Variants in CCDC88B observed in about 807,000 individuals in gnomAD.
The protein encoded by CCDC88B is coiled-coil and HOOK domain protein 88B.
A neutral mutation model predicts 183.7 loss-of-function variants in CCDC88B; 138 were observed. The observed-to-expected ratio is 0.75, with a 90% CI of 0.65 to 0.87. The LOEUF (loss-of-function observed/expected upper bound fraction) is 0.87, where lower values mean the gene tolerates loss of function less well. CCDC88B is among the 40% of genes least tolerant of loss of function. The pLI, the probability that CCDC88B is intolerant of heterozygous loss-of-function variation, is 0.00. For missense variants in CCDC88B, 1,822 were observed against 1,965.6 expected (o/e 0.93, Z 1.38); for synonymous variants, 835 against 867.5 (o/e 0.96, Z 0.66).
At chr11:64,355,965 C>A in intron 26 of CCDC88B, 1 of 191,522 alleles carries the variant, frequency 5.2e-6, no homozygotes. Flanking sequence ...ACGCTATTAC[C>A]ATTTCAGCAT....
rs759234720 is a variant in CCDC88B at position 64,353,506 on chromosome 11, C to A, written c.3833+10C>A. On this transcript the variant is annotated intron_variant, in intron 22 of 26. Transcript: ENST00000356786. ...AACAGCGGGAGTACCTGTGAGTGGGCCGCCTGGGAGCGGGGTGGGGCCTGC... is the reference window on the plus strand; with the variant it reads ...AACAGCGGGAGTACCTGTGAGTGGGACGCCTGGGAGCGGGGTGGGGCCTGC... 6.2e-7 allele frequency: 1 copy of A among 1,608,792 alleles called. No homozygotes were observed. Among genetic ancestry groups the A allele is most frequent in the Non-Finnish European group, 8.5e-7 (1 of 1,178,648 alleles).
In CCDC88B at chr11:64,357,120, G is replaced by A. The variant is rs755220222; in HGVS notation, c.*26G>A. On this transcript the variant is annotated 3_prime_UTR_variant, in exon 27 of 27. Transcript: ENST00000356786. ...CACCGTGGGAACAGCAGGCTTGGGA[G>A]TGCAGCCTTCTCGGCACTGGAGTGT... 3.7e-6 allele frequency: 6 copies of A among 1,613,684 alleles called. No individual in the cohort carries two copies. Among genetic ancestry groups the A allele is most frequent in the Non-Finnish European group, 5.1e-6 (6 of 1,179,760 alleles).
chr11:64,355,775 T>C (rs2036529968), intron 26 of CCDC88B, 147 bp downstream of exon 26: 3 of 661,626 alleles, frequency 4.5e-6, no homozygotes, highest in Non-Finnish European at 5.0e-6. Flanking sequence ...GGGAACGTTC[T>C]GGTGTGAGGA....
rs752956217 is a variant in CCDC88B at position 64,343,185 on chromosome 11, C to A, written c.1069C>A (p.Arg357=). 38 of 1,530,938 alleles carry A rather than the reference C, an allele frequency of 2.5e-5. No individual in the cohort carries two copies. The highest frequency in any genetic ancestry group is 3.1e-5 in the Non-Finnish European group (35 of 1,137,318). The allele number at this position is 1,530,938 out of a possible 1,614,324, so 94.8% of individuals were successfully genotyped here. A position where few individuals can be genotyped will look rare whatever the true frequency, so the allele number is the denominator to read the frequency against. The change falls in exon 11 of 27, where the codon CGG becomes AGG. Residue 357 remains arginine (R), a synonymous_variant. Transcript: ENST00000356786. ...EAYKSQLEEE[R]VLSGVLEASK... is the part of the protein sequence containing the mutation. Reference sequence around the variant, plus strand: ...CTCCCTGCTCTCCCACCAGGAGGAGCGGGTGCTCTCGGGGGTGCTGGAGGC... The same window carrying A: ...CTCCCTGCTCTCCCACCAGGAGGAGAGGGTGCTCTCGGGGGTGCTGGAGGC...
intron 7 of CCDC88B, 109 bp downstream of exon 7, chr11:64,341,851 TCTGAGGTC>T (rs2135303719): frequency 1.3e-6 from 1 of 741,804 alleles, no homozygotes; most frequent in Non-Finnish European, 1.8e-6. Flanking sequence ...GGGGTTGTGG[TCTGAGGTC>T]TTGGGCCATC....
chr11:64,352,745 C>T lies in CCDC88B; in HGVS notation c.3358C>T (p.His1120Tyr). Residue 1120 changes from histidine (H) to tyrosine (Y), a missense_variant and splice_region_variant, in exon 20 of 27, where the codon CAC becomes TAC. Transcript: ENST00000356786. ...ELAHRELQGR[H>Y]EQLQAQRASV... ...CTCTTAGCCCCTTGTCCATCCCAGGCACGAGCAGCTGCAGGCCCAGCGGGC... is the reference window on the plus strand; with the variant it reads ...CTCTTAGCCCCTTGTCCATCCCAGGTACGAGCAGCTGCAGGCCCAGCGGGC... 2 of 1,613,492 alleles carry T rather than the reference C, an allele frequency of 1.2e-6. No individual in the cohort carries two copies. Among genetic ancestry groups the T allele is most frequent in the Non-Finnish European group, 1.7e-6 (2 of 1,180,002 alleles).
chr11:64,352,004 C>G, intron 18 of CCDC88B, 126 bp from the exon 19 acceptor site: 1 of 1,359,498 alleles, frequency 7.4e-7, no homozygotes, highest in South Asian at 1.4e-5. Context: ...GCCCCCAGCC[C>G]TTTGCCTCCT....
rs143386417 is a variant in CCDC88B, at chr11:64,344,922, G to T, written c.2381G>T (p.Arg794Leu). ...EAQAWEQARL[R>L]EAVEAAGQEL... ...CAGGCCTGGGAGCAAGCCCGGCTGC[G>T]GGAGGCAGTGGAGGCTGCTGGCCAG... is the stretch of plus-strand genomic sequence containing the variant. Residue 794 changes from arginine to leucine, a missense_variant, in exon 14 of 27, where the codon CGG becomes CTG. By Grantham distance (102) the Arg-to-Leu change is moderately radical (BLOSUM62 -2). Transcript: ENST00000356786. The surrounding 1 kb of genome is among the most constrained non-coding windows in gnomAD (Gnocchi z 4.5). 1.3e-6 allele frequency: 2 copies of T among 1,568,432 alleles called. No individual in the cohort carries two copies. Among genetic ancestry groups the T allele is most frequent in the Non-Finnish European group, 1.7e-6 (2 of 1,157,050 alleles).
chr11:64,352,920 C>A, intron 20 of CCDC88B, 33 bp downstream of exon 20: 1 of 1,534,980 alleles, frequency 6.5e-7, no homozygotes. Context: ...TAGCAGCTCT[C>A]AGTGGCCCCA....
intron 19 of CCDC88B, 49 bp from the exon 20 acceptor site, chr11:64,352,695 G>C: frequency 1.2e-6 from 2 of 1,611,776 alleles, no homozygotes; most frequent in South Asian, 1.1e-5. Context: ...CCAGCTGCTT[G>C]TGGTGGCCAT....
intron 24 of CCDC88B, 33 bp from the exon 25 acceptor site, chr11:64,355,161 C>T (rs776059307): frequency 5.1e-6 from 7 of 1,379,248 alleles, no homozygotes; most frequent in African/African-American, 1.5e-5. Flanking sequence ...CCGTCCCCTC[C>T]TCTCACCCCC....
rs900042091 is a variant in CCDC88B, at chr11:64,344,166, A to G, written c.1625A>G (p.Glu542Gly). 5 of 1,612,918 alleles carry G rather than the reference A, an allele frequency of 3.1e-6. No homozygotes were observed. Among genetic ancestry groups the G allele is most frequent in the Non-Finnish European group, 4.2e-6 (5 of 1,179,762 alleles). ...LAPPALDSVL[E>G]ASAECPQAPD... is the part of the protein sequence containing the mutation. The stretch of plus-strand genomic sequence containing the variant: ...CCCCCGGCATTAGACTCAGTGCTCG[A>G]GGCATCAGCTGAGTGTCCCCAGGCA... Residue 542 changes from glutamate (E) to glycine (G), a missense_variant, in exon 14 of 27, where the codon GAG becomes GGG. Glu to Gly is a moderately conservative substitution (Grantham distance 98). Coordinates refer to ENST00000356786, the MANE Select transcript of CCDC88B (RefSeq NM_032251.6). The surrounding 1 kb of genome is among the most constrained non-coding windows in gnomAD (Gnocchi z 4.5).
intron 14 of CCDC88B, among the ~76,000 whole-genome samples, chr11:64,346,781 G>C (rs1422943977): frequency 2.7e-5 from 4 of 149,090 alleles, no homozygotes; most frequent in Non-Finnish European, 5.9e-5. Flanking sequence ...CATCATGTTG[G>C]CCTGGCTAGT....
At chr11:64,352,467 C>T in intron 19 of CCDC88B, 81 bp downstream of exon 19, 1 of 1,454,670 alleles carries the variant, frequency 6.9e-7, no homozygotes, top group East Asian at 2.5e-5. Flanking sequence ...GTCTGACTCC[C>T]CATCAGGAAG....
Position 64,353,442 on chromosome 11 carries a change from T to C in CCDC88B, c.3779T>C (p.Leu1260Pro). The change falls in exon 22 of 27, where the codon CTG becomes CCG. Residue 1260 changes from leucine to proline, a missense_variant. Transcript: ENST00000356786. ...QALSRENRELLERSLESRDHL... is the reference protein window; with the variant it reads ...QALSRENRELPERSLESRDHL... ...CTGAGCCGGGAGAACAGGGAGCTCC[T>C]GGAGCGCAGCCTGGAGAGTCGGGAC... is the stretch of plus-strand genomic sequence containing the variant. 6.2e-7 allele frequency: 1 copy of C among 1,613,052 alleles called. No homozygotes were observed. Among genetic ancestry groups the C allele is most frequent in the Non-Finnish European group, 8.5e-7 (1 of 1,179,954 alleles).
Position 64,344,828 on chromosome 11 carries a change from G to T in CCDC88B, c.2287G>T (p.Ala763Ser). 6.2e-7 allele frequency: 1 copy of T among 1,601,106 alleles called. No homozygotes were observed. The highest frequency in any genetic ancestry group is 1.1e-5 in the South Asian group (1 of 90,538). Residue 763 changes from alanine to serine, a missense_variant, in exon 14 of 27, where the codon GCC (alanine) becomes TCC (serine). Transcript: ENST00000356786. The surrounding 1 kb of genome is among the most constrained non-coding windows in gnomAD (Gnocchi z 4.5). ...GCTGGAGGCCCAAAACACGGAGGCT[G>T]CCCGCCTCTCCAAGGAGCTGGCCCA... ...RKLEAQNTEA[A>S]RLSKELAQAR... is the part of the protein sequence containing the mutation.
chr11:64,352,192 G>A lies in CCDC88B; in HGVS notation c.3162G>A (p.Glu1054=), dbSNP rs1334036705. 1 of 1,607,702 alleles carries A rather than the reference G, an allele frequency of 6.2e-7. No homozygotes were observed. The highest frequency in any genetic ancestry group is 8.5e-7 in the Non-Finnish European group (1 of 1,175,400). ...TGCACCGGAAGCTGGAGGTGCTGGA[G>A]GAGGAGGTGCGGGCGGCACGGCAGT... The part of the protein sequence containing the change: ...QELHRKLEVL[E]EEVRAARQSQ... Residue 1054 remains glutamate (E), a synonymous_variant, in exon 19 of 27, where the codon GAG becomes GAA. Transcript: ENST00000356786.
At position 64,341,725 on chromosome 11, in the gene CCDC88B, C is replaced by T. The variant is rs765548160; in HGVS notation, c.658C>T (p.Arg220Cys). The T allele has an allele frequency of 3.8e-6, 6 of 1,575,832 alleles. No homozygotes were observed. The highest frequency in any genetic ancestry group is 5.2e-6 in the Non-Finnish European group (6 of 1,164,376). ...GACACTGTCGAAGCTGGCACGGGAG[C>T]GTGACCTGGGGGCCCAGGTAGGGGC... ...MGTLSKLARE[R>C]DLGAQRLAEL... is the part of the protein sequence containing the mutation. Residue 220 changes from arginine (R) to cysteine (C), a missense_variant, in exon 7 of 27, where the codon CGT becomes TGT. Physicochemically the swap from Arg to Cys is radical, Grantham distance 180. Transcript: ENST00000356786.
Position 64,344,111 on chromosome 11 carries a change from G to T in CCDC88B, c.1570G>T (p.Asp524Tyr). 1 of 1,613,336 alleles carries T rather than the reference G, an allele frequency of 6.2e-7. No individual in the cohort carries two copies. The highest frequency in any genetic ancestry group is 8.5e-7 in the Non-Finnish European group (1 of 1,179,904). ...TCAGGGCTTGGTTCAGAAGGCAAGG[G>T]ATGGAGGCCCCCAGGCCTTGGACTT... ...SPQGLVQKAR[D>Y]GGPQALDLAP... is the part of the protein sequence containing the mutation. Residue 524 changes from aspartate (D) to tyrosine (Y), a missense_variant, in exon 14 of 27, where the codon GAT becomes TAT. Physicochemically the swap from Asp to Tyr is radical, Grantham distance 160. Transcript: ENST00000356786. This position sits in a 1 kb window ranked among gnomAD's most constrained non-coding sequence, Gnocchi z 4.5.
Sources: gnomAD v4.1 joint callset for allele counts (sites outside exome capture counted in the v4.1 genomes callset) on GRCh38, gnomAD v4.1.1 for gene constraint, Gnocchi (gnomAD v3.1) non-coding constraint, MANE v1.5 for transcripts, NCBI Gene and HGNC (gene_info 2026-07-23, HGNC 2026-07-21) for gene names.